MGAT4C: variants seen among roughly 807,000 people sequenced by gnomAD.
MGAT4C encodes MGAT4 family member C, also known as alpha-1,3-mannosyl-glycoprotein 4-beta-N-acetylglucosaminyltransferase C.
A neutral mutation model predicts 40.1 loss-of-function variants in MGAT4C; 19 were observed. That is an observed-to-expected ratio of 0.47 (90% CI 0.33 to 0.70). MGAT4C has a LOEUF of 0.70. Ranked by LOEUF, MGAT4C falls within the 30% of genes least tolerant of loss-of-function variation. The pLI is 0.02. For synonymous variants in MGAT4C, 181 were observed against 187.1 expected, an observed-to-expected ratio of 0.97 and a Z score of 0.27; for missense variants, 491 against 563.2, an observed-to-expected ratio of 0.87 and a Z score of 1.30.
chr12:86,056,695 C>G (rs1001030870), intron 1 of MGAT4C, among the ~76,000 whole-genome samples: 1 of 152,044 alleles, frequency 6.6e-6, no homozygotes, highest in Non-Finnish European at 1.5e-5. Flanking sequence ...AATAAACATA[C>G]GTGTGCATGT....
chr12:86,669,418 C>A (rs1234848179), intron 2 of MGAT4C, among the ~76,000 whole-genome samples: 1 of 152,158 alleles, frequency 6.6e-6, no homozygotes, highest in African/African-American at 2.4e-5. Context: ...CTCTCCTGTG[C>A]AGAAATGTTG....
intron 2 of MGAT4C, among the ~76,000 whole-genome samples, chr12:86,447,546 G>A (rs1336892355): frequency 1.3e-5 from 2 of 151,164 alleles, no homozygotes; most frequent in Non-Finnish European, 3.0e-5. Flanking sequence ...ATGAGTACCA[G>A]TTTTTTTTTA....
intron 1 of MGAT4C, among the ~76,000 whole-genome samples, chr12:86,090,222 T>C (rs1286081109): frequency 1.3e-5 from 2 of 151,654 alleles, no homozygotes; most frequent in Non-Finnish European, 3.0e-5. Flanking sequence ...AGAGATTTAG[T>C]ACTAACATAT....
chr12:86,588,415 G>C (rs145344494), intron 2 of MGAT4C, among the ~76,000 whole-genome samples: 258 of 152,076 alleles, frequency 1.7e-3, no homozygotes, highest in African/African-American at 5.9e-3. Context: ...AGTCCTGAGT[G>C]ACCTACAAAG....
At chr12:86,192,475 G>T (rs1396618781) in intron 1 of MGAT4C, among the ~76,000 whole-genome samples, 1 of 152,044 alleles carries the variant, frequency 6.6e-6, no homozygotes, top group Non-Finnish European at 1.5e-5. Context: ...TGAACTTTGA[G>T]ACGCCTTGCA....
intron 1 of MGAT4C, among the ~76,000 whole-genome samples, chr12:86,103,276 G>A (rs1444308608): frequency 2.6e-5 from 4 of 152,158 alleles, no homozygotes; most frequent in Non-Finnish European, 5.9e-5. Context: ...GGCAGAAAAT[G>A]TATAATGAAA....
At chr12:86,422,554 T>G (rs1956848019) in intron 3 of MGAT4C, among the ~76,000 whole-genome samples, 1 of 152,200 alleles carries the variant, frequency 6.6e-6, no homozygotes, top group Non-Finnish European at 1.5e-5. Flanking sequence ...CTAAATCTTA[T>G]GGCCAACATG....
intron 2 of MGAT4C, among the ~76,000 whole-genome samples, chr12:86,509,709 C>T (rs965774371): frequency 6.6e-6 from 1 of 152,134 alleles, no homozygotes; most frequent in Non-Finnish European, 1.5e-5. Flanking sequence ...AATGTTCTTC[C>T]ATTTGTTTGT....
chr12:86,038,967 G>GTTT (rs147676532), intron 2 of MGAT4C, among the ~76,000 whole-genome samples: 4 of 147,740 alleles, frequency 2.7e-5, no homozygotes, highest in African/African-American at 9.9e-5. Flanking sequence ...TCTGCAAAAG[G>GTTT]TTTTTTTTCT....
In MGAT4C at chr12:86,768,090, G is replaced by C. The variant is rs1172606981; in HGVS notation, c.-261-40849C>G. Among the ~76,000 whole-genome samples, 5 of 152,270 alleles carry C rather than the reference G, an allele frequency of 3.3e-5. No homozygotes were observed. The East Asian group carries it at 7.7e-4, about 24-fold the overall frequency. ...GGAAGTCAAATTATCCCTGTTTGCA[G>C]ATGACATGATTGTATATCTAGAAAA... On this transcript the variant is annotated intron_variant, in intron 1 of 7. Transcript: ENST00000548651.
At chr12:85,999,020 A>G (rs910687858) in intron 2 of MGAT4C, among the ~76,000 whole-genome samples, 5 of 152,194 alleles carry the variant, frequency 3.3e-5, no homozygotes, top group African/African-American at 1.2e-4. Context: ...TTACAGTTCC[A>G]CATGGCTGGG....
At chr12:86,055,944 G>A (rs956060663) in intron 1 of MGAT4C, among the ~76,000 whole-genome samples, 2 of 152,002 alleles carry the variant, frequency 1.3e-5, no homozygotes, top group African/African-American at 4.8e-5. Flanking sequence ...CACAAGTGGA[G>A]CATATATTCA....
intron 4 of MGAT4C, among the ~76,000 whole-genome samples, chr12:86,311,376 G>A (rs181177036): frequency 1.3e-4 from 20 of 152,318 alleles, no homozygotes; most frequent in Admixed American, 1.3e-3. Flanking sequence ...ATCTTACGGG[G>A]TCACCGGTGC....
At chr12:86,499,899 A>T (rs991534353) in intron 2 of MGAT4C, among the ~76,000 whole-genome samples, 4 of 151,942 alleles carry the variant, frequency 2.6e-5, no homozygotes, top group Non-Finnish European at 5.9e-5. Context: ...TCATGGAGAG[A>T]AGACAAACAT....
chr12:86,114,052 CT>C (rs999198319), intron 1 of MGAT4C, among the ~76,000 whole-genome samples: 2 of 151,820 alleles, frequency 1.3e-5, no homozygotes, highest in Non-Finnish European at 2.9e-5. Flanking sequence ...CTGTGTCTAC[CT>C]TTTGCACCTG....
intron 4 of MGAT4C, among the ~76,000 whole-genome samples, chr12:86,261,749 T>C (rs776710237): frequency 1.3e-5 from 2 of 152,060 alleles, no homozygotes; most frequent in African/African-American, 4.8e-5. Context: ...AAGTGTGTTG[T>C]ACCTTGGGGT....
In MGAT4C at chr12:86,470,349, A is replaced by G. The variant is rs1326011357; in HGVS notation, c.-228-35084T>C. ...CTTTTTTTACTTATCTGAAATGAAAATATGAGGACTGAACTTCGACTCTAT... is the reference window on the plus strand; with the variant it reads ...CTTTTTTTACTTATCTGAAATGAAAGTATGAGGACTGAACTTCGACTCTAT... On this transcript the variant is annotated intron_variant, in intron 2 of 7. Transcript: ENST00000548651. 2.0e-5 allele frequency among the ~76,000 whole-genome samples: 3 copies of G among 152,088 alleles called. No homozygotes were observed. In the East Asian group the frequency reaches 5.8e-4, roughly 29 times the overall value.
intron 1 of MGAT4C, among the ~76,000 whole-genome samples, chr12:86,822,267 A>T (rs1458009435): frequency 6.6e-6 from 1 of 151,164 alleles, no homozygotes; most frequent in African/African-American, 2.4e-5. Context: ...CAAAACACAC[A>T]TGAAGACAGT....
At chr12:86,043,283 G>C (rs1157125075) in intron 2 of MGAT4C, among the ~76,000 whole-genome samples, 2 of 152,134 alleles carry the variant, frequency 1.3e-5, no homozygotes, top group Non-Finnish European at 1.5e-5. Flanking sequence ...TCGTCTGCAA[G>C]CTGAGGAGCA....
Sources: allele counts gnomAD v4.1 joint callset (sites outside exome capture counted in the v4.1 genomes callset), GRCh38; gene constraint gnomAD v4.1.1; transcripts MANE v1.5; gene names NCBI Gene and HGNC (gene_info 2026-07-23, HGNC 2026-07-21).